WNK2: variants seen among roughly 807,000 people sequenced by gnomAD.
WNK2 encodes the protein serine/threonine-protein kinase WNK2.
A neutral mutation model predicts 192.1 loss-of-function variants in WNK2; 67 were observed. The ratio of observed to expected loss-of-function variants is 0.35; its 90% CI spans 0.29 to 0.43. The LOEUF is 0.43. Ranked by LOEUF, WNK2 falls within the 20% of genes least tolerant of loss-of-function variation. The pLI, the probability that WNK2 is intolerant of heterozygous loss-of-function variation, is 1.00. For synonymous variants in WNK2, 1,439 were observed against 1,393.9 expected, an observed-to-expected ratio of 1.03 and a Z score of -0.72; for missense variants, 2,698 against 3,089.7, an observed-to-expected ratio of 0.87 and a Z score of 3.01.
At chr9:93,290,120 C>T (rs762726962) in intron 21 of WNK2, 73 bp downstream of exon 21, 62 of 1,340,414 alleles carry the variant, frequency 4.6e-5, no homozygotes, top group Non-Finnish European at 5.9e-5. Flanking sequence ...CTTCTGCATC[C>T]GCACCCTCGT....
intron 8 of WNK2, among the ~76,000 whole-genome samples, chr9:93,249,010 C>T (rs1842167767): frequency 6.6e-6 from 1 of 152,192 alleles, no homozygotes; most frequent in African/African-American, 2.4e-5. Flanking sequence ...TTCAAACAAG[C>T]AGTCATCATG....
At chr9:93,184,873 G>A in intron 1 of WNK2, 55 bp from the exon 2 acceptor site, 1 of 1,209,650 alleles carries the variant, frequency 8.3e-7, no homozygotes, top group East Asian at 3.3e-5. Context: ...CCGGCGGCCT[G>A]GGCAGGTGCG....
intron 7 of WNK2, among the ~76,000 whole-genome samples, chr9:93,240,210 C>G (rs1268553908): frequency 6.6e-6 from 1 of 152,054 alleles, no homozygotes; most frequent in Non-Finnish European, 1.5e-5. Flanking sequence ...AACACAGCAC[C>G]CAGGGGATTA....
At chr9:93,206,558 G>A (rs975124927) in intron 2 of WNK2, among the ~76,000 whole-genome samples, 3 of 151,754 alleles carry the variant, frequency 2.0e-5, no homozygotes, top group Non-Finnish European at 4.4e-5. Flanking sequence ...TAGTGTCCTT[G>A]GATGGGACAA....
At chr9:93,214,704 C>CG (rs1835405010) in intron 2 of WNK2, among the ~76,000 whole-genome samples, 1 of 93,880 alleles carries the variant, frequency 1.1e-5, no homozygotes, top group Non-Finnish European at 2.2e-5. Context: ...AGTGCCCCCC[C>CG]CCCCCCCGCC....
intron 19 of WNK2, among the ~76,000 whole-genome samples, chr9:93,271,923 T>TAG (rs1299481059): frequency 2.0e-5 from 3 of 152,242 alleles, no homozygotes; most frequent in African/African-American, 7.2e-5. Flanking sequence ...TTTGAGTGAC[T>TAG]ATAGATTTCT....
At chr9:93,306,924 C>T (rs1852674350) in intron 27 of WNK2, 103 bp downstream of exon 27, 2 of 1,436,700 alleles carry the variant, frequency 1.4e-6, no homozygotes, top group African/African-American at 1.4e-5. Flanking sequence ...GTGGGCCTGC[C>T]CTGTGCCTGC....
rs1839532864 is a variant in WNK2 at position 93,234,854 on chromosome 9, T to C, written c.1122T>C (p.Asp374=). The C allele has an allele frequency of 1.9e-6, 3 of 1,614,172 alleles. No homozygotes were observed. The East Asian group carries it at 6.7e-5, about 36-fold the overall frequency. ...MAPEMYEEHY[D]ESVDVYAFGM... is the part of the protein sequence containing the mutation. ...CCGAGATGTACGAGGAGCACTACGA[T>C]GAGTCCGTGGACGTCTATGCCTTTG... The change falls in exon 5 of 30, where the codon GAT becomes GAC. Residue 374 remains aspartate, a synonymous_variant. Coordinates refer to ENST00000427277, the MANE Select transcript of WNK2 (RefSeq NM_006648.4).
At chr9:93,251,775 A>C (rs1057241130) in intron 8 of WNK2, among the ~76,000 whole-genome samples, 2 of 152,152 alleles carry the variant, frequency 1.3e-5, no homozygotes, top group Admixed American at 6.5e-5. Flanking sequence ...TGTCAGGTCT[A>C]TACACGTTCT....
chr9:93,300,926 C>T (rs140587797), intron 26 of WNK2, among the ~76,000 whole-genome samples: 1,965 of 152,278 alleles, frequency 0.013, 29 homozygotes, highest in Non-Finnish European at 0.015. Context: ...CCTGCTTGGC[C>T]GGCTCCTCCT....
intron 2 of WNK2, among the ~76,000 whole-genome samples, chr9:93,205,203 T>C (rs1833136965): frequency 6.6e-6 from 1 of 152,106 alleles, no homozygotes; most frequent in Non-Finnish European, 1.5e-5. Context: ...TGGGGAGGCT[T>C]GAGGAGCACT....
intron 7 of WNK2, among the ~76,000 whole-genome samples, chr9:93,244,262 A>G (rs1172245134): frequency 3.3e-5 from 5 of 152,158 alleles, no homozygotes; most frequent in South Asian, 2.1e-4. Flanking sequence ...GGCAGATGGA[A>G]GAGGCCAGAT....
intron 2 of WNK2, among the ~76,000 whole-genome samples, chr9:93,208,153 C>T (rs2131417365): frequency 6.6e-6 from 1 of 152,328 alleles, no homozygotes; most frequent in South Asian, 2.1e-4. Flanking sequence ...GAGCCTGGAG[C>T]AGGGGACGTC....
intron 19 of WNK2, among the ~76,000 whole-genome samples, chr9:93,273,102 T>C (rs1157725250): frequency 6.6e-6 from 1 of 152,184 alleles, no homozygotes; most frequent in African/African-American, 2.4e-5. Flanking sequence ...TCTGACAAAA[T>C]AGACTTCAGA....
chr9:93,305,873 T>G (rs1852426700), intron 26 of WNK2, among the ~76,000 whole-genome samples: 1 of 152,174 alleles, frequency 6.6e-6, no homozygotes, highest in South Asian at 2.1e-4. Flanking sequence ...TCTGTGCTAG[T>G]GAGGCTTTGC....
In WNK2 at chr9:93,288,943, G is replaced by C; in HGVS notation, c.4189G>C (p.Asp1397His). The C allele has an allele frequency of 6.2e-7, 1 of 1,606,158 alleles. No homozygotes were observed. Among genetic ancestry groups the C allele is most frequent in the Non-Finnish European group, 8.5e-7 (1 of 1,176,622 alleles). ...SSPPVTALPQDGAAPATSTMP... is the reference protein window; with the variant it reads ...SSPPVTALPQHGAAPATSTMP... ...CCCTCCTGTGACTGCTCTGCCCCAAGATGGAGCAGCTCCAGCCACCAGCAC... is the reference window on the plus strand; with the variant it reads ...CCCTCCTGTGACTGCTCTGCCCCAACATGGAGCAGCTCCAGCCACCAGCAC... The change falls in exon 20 of 30, where the codon GAT (aspartate) becomes CAT (histidine). Residue 1397 changes from aspartate to histidine, a missense_variant. Asp to His is a moderately conservative substitution (Grantham distance 81). Around this residue, in one of 7 missense-constraint regions of WNK2, gnomAD observed 1,098 missense variants for 1,101.0 expected, o/e 1.00. Coordinates refer to ENST00000427277, the MANE Select transcript of WNK2 (RefSeq NM_006648.4).
intron 4 of WNK2, among the ~76,000 whole-genome samples, chr9:93,232,491 A>G (rs952267369): frequency 6.6e-6 from 1 of 152,132 alleles, no homozygotes; most frequent in African/African-American, 2.4e-5. Flanking sequence ...GATTTTGCAA[A>G]TTTGGCTTCA....
chr9:93,234,729 A>G, intron 4 of WNK2, 79 bp from the exon 5 acceptor site: 1 of 1,521,084 alleles, frequency 6.6e-7, no homozygotes, highest in Non-Finnish European at 8.9e-7. Flanking sequence ...CTGGGCAGCC[A>G]AAGCTCCCGG....
chr9:93,314,723 G>A (rs1237447699), intron 28 of WNK2, among the ~76,000 whole-genome samples: 1 of 152,126 alleles, frequency 6.6e-6, no homozygotes, highest in African/African-American at 2.4e-5. Flanking sequence ...CTTTACAGAT[G>A]TTTCAAAATT....
Sources: gnomAD v4.1 joint callset for allele counts (sites outside exome capture counted in the v4.1 genomes callset) on GRCh38, gnomAD v4.1.1 for gene constraint, gnomAD v4.1.1 regional missense constraint, MANE v1.5 for transcripts, NCBI Gene and HGNC (gene_info 2026-07-23, HGNC 2026-07-21) for gene names.